Variants in ADCY9 observed in about 807,000 individuals in gnomAD.
The protein encoded by ADCY9 is adenylate cyclase 9.
A neutral mutation model predicts 101.5 loss-of-function variants in ADCY9; 50 were observed. The ratio of observed to expected loss-of-function variants is 0.49; its 90% CI spans 0.39 to 0.62. ADCY9 has a LOEUF of 0.62. ADCY9 is among the 20% of genes least tolerant of loss of function. The probability of loss-of-function intolerance (pLI) is 0.00; values close to 1 mark genes in which losing one functional copy is unlikely to be tolerated. For synonymous variants in ADCY9, 905 were observed against 769.3 expected (o/e 1.18, Z -2.92); for missense variants, 1,662 against 1,800.4 (o/e 0.92, Z 1.39).
In ADCY9 at chr16:3,992,823, G is replaced by A. The variant is rs573261286; in HGVS notation, c.1990-460C>T. Among the ~76,000 whole-genome samples, 3 of 152,246 alleles carry A rather than the reference G, an allele frequency of 2.0e-5. No homozygotes were observed. Among genetic ancestry groups the A allele is most frequent in the South Asian group, 4.1e-4 (2 of 4,820 alleles). On this transcript the variant is annotated intron_variant, in intron 4 of 10. Coordinates refer to ENST00000294016, the MANE Select transcript of ADCY9 (RefSeq NM_001116.4). The surrounding 1 kb of genome is among the most constrained non-coding windows in gnomAD (Gnocchi z 4.2). The stretch of plus-strand genomic sequence containing the variant: ...CGGGCTCGTGTCGTGGGTGTCCCCC[G>A]TGGCTGTGGGAAGGCATGGGATGAC...
At chr16:4,003,554 C>T (rs2056346017) in intron 3 of ADCY9, among the ~76,000 whole-genome samples, 2 of 135,124 alleles carry the variant, frequency 1.5e-5, no homozygotes, top group African/African-American at 5.4e-5. Context: ...TGTGTTTGCT[C>T]TTTCTTTTCT....
At chr16:4,097,487 T>TATATATATACATACACACACACACACAC (rs76750792) in intron 2 of ADCY9, among the ~76,000 whole-genome samples, 1 of 72,508 alleles carries the variant, frequency 1.4e-5, no homozygotes, top group Non-Finnish European at 2.7e-5. Flanking sequence ...TATATATATA[T>TATATATATACATACACACACACACACAC]ACACACACAC....
chr16:4,049,557 C>G (rs1400354550), intron 2 of ADCY9, among the ~76,000 whole-genome samples: 1 of 152,070 alleles, frequency 6.6e-6, no homozygotes, highest in Non-Finnish European at 1.5e-5. Context: ...ACTTCTGAGC[C>G]GAAACCACGT....
intron 2 of ADCY9, among the ~76,000 whole-genome samples, chr16:4,105,573 G>A (rs753609603): frequency 2.2e-4 from 33 of 151,640 alleles, no homozygotes; most frequent in African/African-American, 7.0e-4. Flanking sequence ...CCAGCCACAC[G>A]GGAGACTGAG....
At chr16:4,103,849 A>T (rs1485017423) in intron 2 of ADCY9, among the ~76,000 whole-genome samples, 2 of 152,110 alleles carry the variant, frequency 1.3e-5, no homozygotes, top group Non-Finnish European at 1.5e-5. Context: ...AAAAAAGAAA[A>T]AAAAGAATGT....
At chr16:4,043,663 C>T (rs111354536) in intron 2 of ADCY9, among the ~76,000 whole-genome samples, 1 of 152,026 alleles carries the variant, frequency 6.6e-6, no homozygotes, top group African/African-American at 2.4e-5. Flanking sequence ...GCATTCCAAC[C>T]TGAGCAACAG....
chr16:4,044,620 C>A (rs905545754), intron 2 of ADCY9, among the ~76,000 whole-genome samples: 1 of 152,184 alleles, frequency 6.6e-6, no homozygotes, highest in Non-Finnish European at 1.5e-5. Context: ...CCTTTAACCA[C>A]GAGCCACTTT....
intron 6 of ADCY9, 134 bp downstream of exon 6, chr16:3,988,860 G>C (rs759699000): frequency 1.4e-6 from 1 of 731,208 alleles, no homozygotes; most frequent in Non-Finnish European, 2.4e-6. Flanking sequence ...GCCACTTAGG[G>C]TTTACAGAGT....
rs555322591 is a variant in ADCY9, at chr16:3,954,209, C to T, written c.568-693G>A. On this transcript the variant is annotated intron_variant, in intron 5 of 5. Coordinates refer to the ADCY9 transcript ENST00000576936. ...GAGCTGCAGGACGGGCGTCGCTGAG[C>T]TGGCCGGGGCAGGCTGGGAGCTGAG... Among the ~76,000 whole-genome samples the T allele has an allele frequency of 1.4e-4, 22 of 152,324 alleles. No individual in the cohort carries two copies. In the South Asian group the frequency reaches 4.3e-3, roughly 30 times the overall value.
chr16:4,044,012 G>C (rs552101208), intron 2 of ADCY9, among the ~76,000 whole-genome samples: 1 of 152,168 alleles, frequency 6.6e-6, no homozygotes, highest in South Asian at 2.1e-4. Context: ...TTAAAAAAAT[G>C]AAATAGCTTA....
At chr16:4,069,485 C>T (rs1429003229) in intron 2 of ADCY9, among the ~76,000 whole-genome samples, 1 of 151,528 alleles carries the variant, frequency 6.6e-6, no homozygotes, top group East Asian at 1.9e-4. Context: ...CAGAGTGGGG[C>T]TTCAACAAAG....
At chr16:4,050,939 G>A (rs1409403878) in intron 2 of ADCY9, among the ~76,000 whole-genome samples, 2 of 152,132 alleles carry the variant, frequency 1.3e-5, no homozygotes, top group African/African-American at 2.4e-5. Context: ...GTGGCCGGGA[G>A]CAGTGGCTCA....
intron 2 of ADCY9, among the ~76,000 whole-genome samples, chr16:4,080,114 G>A (rs967293483): frequency 6.6e-6 from 1 of 152,014 alleles, no homozygotes; most frequent in African/African-American, 2.4e-5. Context: ...ATATTATGTA[G>A]ATGCACAGGA....
chr16:4,048,307 A>G (rs1418539115), intron 2 of ADCY9, among the ~76,000 whole-genome samples: 1 of 152,220 alleles, frequency 6.6e-6, no homozygotes, highest in Non-Finnish European at 1.5e-5. Flanking sequence ...GTAACCATGC[A>G]TTGTTCAAAT....
intron 6 of ADCY9, among the ~76,000 whole-genome samples, chr16:3,987,279 C>G (rs1597146909): frequency 6.6e-6 from 1 of 152,230 alleles, no homozygotes; most frequent in Non-Finnish European, 1.5e-5. Context: ...TTTCCCCCTT[C>G]CCCAGCACCA....
At chr16:3,972,379 G>C (rs186924482) in intron 10 of ADCY9, among the ~76,000 whole-genome samples, 2 of 151,848 alleles carry the variant, frequency 1.3e-5, no homozygotes, top group Admixed American at 1.3e-4. Flanking sequence ...ACAGGTGCCC[G>C]CCACCACGTC....
chr16:4,064,231 A>G (rs1414462243), intron 2 of ADCY9, among the ~76,000 whole-genome samples: 1 of 152,234 alleles, frequency 6.6e-6, no homozygotes, highest in East Asian at 1.9e-4. Flanking sequence ...TTGTTGATAC[A>G]TTAAATAATA....
rs1597150543 is a variant in ADCY9, at chr16:3,992,150, C to T, written c.2203G>A (p.Asp735Asn). 1.2e-6 allele frequency: 2 copies of T among 1,614,088 alleles called. No homozygotes were observed. The highest frequency in any genetic ancestry group is 2.7e-5 in the African/African-American group (2 of 74,930). ...CCCAGACAGCCCCAGTCGTACCTGT[C>T]TTCTTTGATAACGTCCACAAAGTGG... ...DAHFVDVIKE[D>N]SLMKDYFFKP... Residue 735 changes from aspartate to asparagine, a missense_variant, in exon 5 of 11, where the codon GAC (aspartate) becomes AAC (asparagine). Asp to Asn is a conservative substitution (Grantham distance 23). This residue lies in a region of ADCY9 where 624 missense variants were observed against 639.1 expected (regional missense o/e 0.98). Transcript: ENST00000294016. The surrounding 1 kb of genome is among the most constrained non-coding windows in gnomAD (Gnocchi z 4.2).
At chr16:4,063,606 G>A (rs555539074) in intron 2 of ADCY9, among the ~76,000 whole-genome samples, 6 of 151,952 alleles carry the variant, frequency 3.9e-5, no homozygotes, top group Admixed American at 1.3e-4. Context: ...CAGCTCCTTG[G>A]GGGGCTGAGG....
Sources: gnomAD v4.1 joint callset for allele counts (sites outside exome capture counted in the v4.1 genomes callset) on GRCh38, gnomAD v4.1.1 for gene constraint, gnomAD v4.1.1 regional missense constraint, Gnocchi (gnomAD v3.1) non-coding constraint, MANE v1.5 for transcripts, NCBI Gene and HGNC (gene_info 2026-07-23, HGNC 2026-07-21) for gene names.